Variants in EXOC4 observed in about 807,000 individuals in gnomAD.
The protein encoded by EXOC4 is exocyst complex component 4.
A neutral mutation model predicts 107.2 loss-of-function variants in EXOC4; 71 were observed. The observed-to-expected ratio is 0.66, with a 90% CI of 0.55 to 0.81. The LOEUF is 0.81. Among genes scored for constraint, EXOC4 ranks in the 30% least tolerant of loss-of-function variants. The pLI is 0.00. For synonymous variants in EXOC4, 456 were observed against 441.2 expected, an observed-to-expected ratio of 1.03 and a Z score of -0.42; for missense variants, 1,108 against 1,189.6, an observed-to-expected ratio of 0.93 and a Z score of 1.01.
intron 17 of EXOC4, among the ~76,000 whole-genome samples, chr7:134,020,915 G>A (rs1795013743): frequency 6.6e-6 from 1 of 151,994 alleles, no homozygotes; most frequent in Non-Finnish European, 1.5e-5. Flanking sequence ...GAACCCAGGA[G>A]GCAGAGCTTG....
chr7:133,583,901 G>T (rs1050286043), intron 9 of EXOC4, among the ~76,000 whole-genome samples: 6 of 152,186 alleles, frequency 3.9e-5, no homozygotes, highest in Non-Finnish European at 8.8e-5. Flanking sequence ...CAAGGAGACA[G>T]GGTGTCTATG....
chr7:134,000,595 T>C (rs1412880648), intron 15 of EXOC4, among the ~76,000 whole-genome samples: 1 of 152,228 alleles, frequency 6.6e-6, no homozygotes, highest in African/African-American at 2.4e-5. Flanking sequence ...GTTTCTGTTT[T>C]TACATAGCAG....
At chr7:133,605,198 C>T (rs1412850747) in intron 9 of EXOC4, among the ~76,000 whole-genome samples, 1 of 152,164 alleles carries the variant, frequency 6.6e-6, no homozygotes, top group Non-Finnish European at 1.5e-5. Context: ...TTTCTTAGTA[C>T]ACACTATTGT....
chr7:133,503,246 G>T (rs938540222), intron 9 of EXOC4, among the ~76,000 whole-genome samples: 3 of 152,034 alleles, frequency 2.0e-5, no homozygotes, highest in Non-Finnish European at 4.4e-5. Context: ...TTAAATAAGG[G>T]TGGGGCTTTT....
intron 9 of EXOC4, among the ~76,000 whole-genome samples, chr7:133,599,857 A>G (rs749110190): frequency 6.8e-6 from 1 of 146,672 alleles, no homozygotes; most frequent in African/African-American, 2.5e-5. Context: ...CATGTTAACT[A>G]TGGAGCAAGT....
intron 7 of EXOC4, among the ~76,000 whole-genome samples, chr7:133,377,533 G>T (rs1359853318): frequency 6.6e-6 from 1 of 152,060 alleles, no homozygotes; most frequent in Non-Finnish European, 1.5e-5. Flanking sequence ...ATATCTTCAA[G>T]GATATTATGC....
chr7:133,597,495 G>A (rs930165935), intron 9 of EXOC4, among the ~76,000 whole-genome samples: 19 of 150,006 alleles, frequency 1.3e-4, no homozygotes, highest in East Asian at 5.9e-4. Flanking sequence ...CGGAGATTGC[G>A]GTGAGCTGAG....
At chr7:133,823,846 TATA>T (rs1563014551) in intron 11 of EXOC4, among the ~76,000 whole-genome samples, 23 of 1,610 alleles carry the variant, frequency 0.014, no homozygotes, top group South Asian at 0.083. Context: ...ATATATATTA[TATA>T]TATATATATA....
At chr7:133,846,314 A>G (rs1238231065) in intron 11 of EXOC4, among the ~76,000 whole-genome samples, 1 of 152,174 alleles carries the variant, frequency 6.6e-6, no homozygotes, top group East Asian at 1.9e-4. Flanking sequence ...TAACCTTCAA[A>G]AATGCTAACA....
At chr7:133,487,583 C>T (rs979827198) in intron 9 of EXOC4, among the ~76,000 whole-genome samples, 1 of 152,062 alleles carries the variant, frequency 6.6e-6, no homozygotes, top group Non-Finnish European at 1.5e-5. Flanking sequence ...GTGGTATGTA[C>T]CTGTAGTCCT....
chr7:133,871,305 T>TCACCACAAAAACCACCAAA (rs1798746910), intron 11 of EXOC4, among the ~76,000 whole-genome samples: 1 of 151,840 alleles, frequency 6.6e-6, no homozygotes, highest in East Asian at 1.9e-4. Flanking sequence ...ACCAAAAAAA[T>TCACCACAAAAACCACCAAA]CACCACAAAA....
chr7:133,573,824 A>G (rs1801073527), intron 9 of EXOC4, among the ~76,000 whole-genome samples: 1 of 152,154 alleles, frequency 6.6e-6, no homozygotes, highest in Admixed American at 6.5e-5. Flanking sequence ...TTGCCAAGCC[A>G]GGTCTTTAAC....
chr7:134,018,396 C>T (rs1391902471), intron 17 of EXOC4, among the ~76,000 whole-genome samples: 1 of 152,190 alleles, frequency 6.6e-6, no homozygotes, highest in Non-Finnish European at 1.5e-5. Context: ...TCCTGCCCCT[C>T]CCTTTACCTG....
intron 12 of EXOC4, among the ~76,000 whole-genome samples, chr7:133,910,735 A>G (rs1287619535): frequency 6.6e-6 from 1 of 152,208 alleles, no homozygotes; most frequent in Non-Finnish European, 1.5e-5. Flanking sequence ...TCTAAATTGG[A>G]CGACGGCACT....
intron 13 of EXOC4, among the ~76,000 whole-genome samples, chr7:133,918,170 C>A (rs1051851344): frequency 6.6e-6 from 1 of 151,714 alleles, no homozygotes; most frequent in Non-Finnish European, 1.5e-5. Context: ...TTAGTAGAGA[C>A]GGGGTTTCAC....
At chr7:133,278,542 G>A (rs920732433) in intron 2 of EXOC4, among the ~76,000 whole-genome samples, 4 of 152,116 alleles carry the variant, frequency 2.6e-5, no homozygotes, top group Middle Eastern at 3.2e-3. Context: ...AGCATTCCAG[G>A]AAGAAAGGAA....
At chr7:133,690,670 T>A (rs1029163161) in intron 10 of EXOC4, among the ~76,000 whole-genome samples, 5 of 152,162 alleles carry the variant, frequency 3.3e-5, no homozygotes, top group African/African-American at 9.7e-5. Context: ...TGAATTAGAA[T>A]AACAGAAGAC....
At chr7:133,265,699 T>C (rs1323538332) in intron 1 of EXOC4, among the ~76,000 whole-genome samples, 1 of 152,190 alleles carries the variant, frequency 6.6e-6, no homozygotes, top group East Asian at 1.9e-4. Context: ...TTGTTCATCT[T>C]TATTATTCCT....
intron 9 of EXOC4, among the ~76,000 whole-genome samples, chr7:133,497,868 T>G (rs956440790): frequency 1.3e-5 from 2 of 152,192 alleles, no homozygotes; most frequent in Non-Finnish European, 2.9e-5. Context: ...TCTATGGCTT[T>G]TATTTAATTT....
Sources: gnomAD v4.1 joint callset for allele counts (sites outside exome capture counted in the v4.1 genomes callset) on GRCh38, gnomAD v4.1.1 for gene constraint, MANE v1.5 for transcripts, NCBI Gene and HGNC (gene_info 2026-07-23, HGNC 2026-07-21) for gene names.